MAP3K13: variants seen among roughly 807,000 people sequenced by gnomAD.
MAP3K13 encodes the protein mitogen-activated protein kinase kinase kinase 13.
MAP3K13 carries 52 observed loss-of-function variants against 104.0 expected under a neutral mutation model. The observed-to-expected ratio is 0.50, with a 90% CI of 0.40 to 0.63. The LOEUF (loss-of-function observed/expected upper bound fraction) is 0.63, where lower values mean the gene tolerates loss of function less well. Ranked by LOEUF, MAP3K13 falls within the 20% of genes least tolerant of loss-of-function variation. The probability of loss-of-function intolerance (pLI) is 0.00; values close to 1 mark genes in which losing one functional copy is unlikely to be tolerated. For synonymous variants in MAP3K13, 394 were observed against 442.2 expected (o/e 0.89, Z 1.37); for missense variants, 914 against 1,218.5 (o/e 0.75, Z 3.72).
At chr3:185,410,402 G>A (rs1374075209) in intron 1 of MAP3K13, among the ~76,000 whole-genome samples, 1 of 152,080 alleles carries the variant, frequency 6.6e-6, no homozygotes, top group Non-Finnish European at 1.5e-5. Flanking sequence ...CTAGATAGGA[G>A]GAATAAATTC....
At chr3:185,373,089 T>A in intron 1 of MAP3K13, among the ~76,000 whole-genome samples, 1 of 152,164 alleles carries the variant, frequency 6.6e-6, no homozygotes, top group East Asian at 1.9e-4. Context: ...GGTAAGGAAA[T>A]GATAGTCTTG....
chr3:185,305,777 C>T (rs1721270984), intron 2 of MAP3K13, among the ~76,000 whole-genome samples: 1 of 151,930 alleles, frequency 6.6e-6, no homozygotes, highest in African/African-American at 2.4e-5. Flanking sequence ...TTTATAATTT[C>T]AACTTTTATT....
chr3:185,445,358 A>G (rs993743639), intron 4 of MAP3K13, among the ~76,000 whole-genome samples: 1 of 152,202 alleles, frequency 6.6e-6, no homozygotes, highest in Non-Finnish European at 1.5e-5. Flanking sequence ...TCTCAGCAAT[A>G]TTTATTACAG....
intron 12 of MAP3K13, among the ~76,000 whole-genome samples, chr3:185,478,532 C>T (rs1173533972): frequency 1.3e-5 from 2 of 152,096 alleles, no homozygotes; most frequent in African/African-American, 2.4e-5. Flanking sequence ...CCCCCTGACC[C>T]CCAACCAACT....
chr3:185,355,021 G>A (rs1007664788), intron 2 of MAP3K13, among the ~76,000 whole-genome samples: 2 of 152,100 alleles, frequency 1.3e-5, no homozygotes, highest in Non-Finnish European at 2.9e-5. Flanking sequence ...TTTCTCACAA[G>A]TAAAATGGAA....
intron 2 of MAP3K13, among the ~76,000 whole-genome samples, chr3:185,357,102 T>G (rs1040864641): frequency 2.6e-5 from 4 of 151,950 alleles, no homozygotes; most frequent in African/African-American, 9.7e-5. Flanking sequence ...TAAGAAGTTT[T>G]TTTTTTTTCT....
rs146778659 is a variant in MAP3K13 at position 185,486,424 on chromosome 3, G to GA, written c.*3971dup. On this transcript the variant is annotated 3_prime_UTR_variant, in exon 14 of 14. Coordinates refer to ENST00000265026, the MANE Select transcript of MAP3K13 (RefSeq NM_004721.5). Reference sequence around the variant, plus strand: ...AGGTCCTTAGTGGAGGTTAAAAAGGGAAATACCTTCTCTAGCCCAGCCTGG... The same window carrying GA: ...AGGTCCTTAGTGGAGGTTAAAAAGGGAAAATACCTTCTCTAGCCCAGCCTGG... The GA allele has an allele frequency of 5.6e-3, 848 of 152,320 alleles. 4 individuals are homozygous for GA. The highest frequency in any genetic ancestry group is 0.019 in the African/African-American group (808 of 41,576). 9.4% of individuals were successfully genotyped at this position (152,320 alleles called of 1,614,324 possible). A position where few individuals can be genotyped will look rare whatever the true frequency, so the allele number is the denominator to read the frequency against.
intron 2 of MAP3K13, among the ~76,000 whole-genome samples, chr3:185,354,823 T>C (rs1723285493): frequency 6.6e-6 from 1 of 152,206 alleles, no homozygotes; most frequent in Non-Finnish European, 1.5e-5. Context: ...AACTGGCTTT[T>C]TAATCTTTGC....
intron 2 of MAP3K13, among the ~76,000 whole-genome samples, chr3:185,435,985 T>A (rs927096636): frequency 2.0e-5 from 3 of 152,200 alleles, no homozygotes; most frequent in African/African-American, 7.2e-5. Flanking sequence ...TCATGACCTT[T>A]CACACTGGCA....
intron 2 of MAP3K13, among the ~76,000 whole-genome samples, chr3:185,336,769 G>C (rs896576539): frequency 6.6e-5 from 10 of 150,890 alleles, no homozygotes; most frequent in African/African-American, 2.4e-4. Flanking sequence ...CCTTTTGATA[G>C]CAAAATATAC....
At chr3:185,465,930 C>G (rs1717390694) in intron 9 of MAP3K13, 67 bp downstream of exon 9, 2 of 1,111,370 alleles carry the variant, frequency 1.8e-6, no homozygotes, top group African/African-American at 1.5e-5. Flanking sequence ...ACATACTACC[C>G]TTCCATGTTG....
intron 1 of MAP3K13, among the ~76,000 whole-genome samples, chr3:185,283,898 CTT>C (rs1201384582): frequency 2.4e-5 from 3 of 127,374 alleles, no homozygotes; most frequent in Non-Finnish European, 3.3e-5. Context: ...TTCTTTCTTT[CTT>C]TTTTTTTTTT....
chr3:185,437,000 CAAAAAAAAAAAAAAA>C (rs58819806), intron 2 of MAP3K13, among the ~76,000 whole-genome samples: 13 of 36,962 alleles, frequency 3.5e-4, no homozygotes, highest in South Asian at 3.6e-3. Flanking sequence ...GACTCTGTCT[CAAAAAAAAAAAAAAA>C]AAAAAAAAAA....
At chr3:185,333,503 A>T (rs1722358066) in intron 2 of MAP3K13, among the ~76,000 whole-genome samples, 1 of 152,184 alleles carries the variant, frequency 6.6e-6, no homozygotes, top group South Asian at 2.1e-4. Flanking sequence ...TATAAAAAAA[A>T]CTTGAACTAA....
intron 2 of MAP3K13, among the ~76,000 whole-genome samples, chr3:185,328,066 A>G (rs1367545236): frequency 6.6e-6 from 1 of 152,146 alleles, no homozygotes; most frequent in African/African-American, 2.4e-5. Context: ...AAGCTTAGGA[A>G]TGTGGCAAGA....
chr3:185,457,138 GT>G (rs567918398), intron 7 of MAP3K13, among the ~76,000 whole-genome samples: 108,297 of 151,930 alleles, frequency 0.71, 40,576 homozygotes, highest in Non-Finnish European at 0.83. Flanking sequence ...AGTTGCCACA[GT>G]CGGGTTCCTC....
upstream of MAP3K13, among the ~76,000 whole-genome samples, chr3:185,359,952 AC>A (rs1352778689): frequency 1.3e-5 from 2 of 151,860 alleles, no homozygotes; most frequent in Non-Finnish European, 2.9e-5. Flanking sequence ...AAAAAAAAAA[AC>A]TCCAAAACAA....
intron 10 of MAP3K13, among the ~76,000 whole-genome samples, chr3:185,471,523 G>A (rs1041174352): frequency 5.9e-5 from 8 of 136,216 alleles, no homozygotes; most frequent in East Asian, 2.4e-4. Flanking sequence ...GCAGTGGCAC[G>A]ATCTCAGCTC....
At chr3:185,380,384 G>A (rs1366743623) in intron 1 of MAP3K13, among the ~76,000 whole-genome samples, 1 of 151,548 alleles carries the variant, frequency 6.6e-6, no homozygotes, top group Admixed American at 6.6e-5. Context: ...GGTGTTGCGT[G>A]CCTGCAGTCC....
Sources: gnomAD v4.1 joint callset for allele counts (sites outside exome capture counted in the v4.1 genomes callset) on GRCh38, gnomAD v4.1.1 for gene constraint, MANE v1.5 for transcripts, NCBI Gene and HGNC (gene_info 2026-07-23, HGNC 2026-07-21) for gene names.